CFAP61: variants seen among roughly 807,000 people sequenced by gnomAD.
CFAP61 encodes cilia- and flagella-associated protein 61.
Under a neutral mutation model 135.6 loss-of-function variants are expected in CFAP61, and 107 were observed. The observed-to-expected ratio is 0.79, with a 90% CI of 0.67 to 0.93. The LOEUF (loss-of-function observed/expected upper bound fraction) is 0.93. Among genes scored for constraint, CFAP61 ranks in the 40% least tolerant of loss-of-function variants. The pLI, the probability that CFAP61 is intolerant of heterozygous loss-of-function variation, is 0.00. For synonymous variants in CFAP61, 575 were observed against 578.5 expected, an observed-to-expected ratio of 0.99 and a Z score of 0.09; for missense variants, 1,507 against 1,556.2, an observed-to-expected ratio of 0.97 and a Z score of 0.53.
At chr20:20,106,428 C>A (rs1276771842) in intron 8 of CFAP61, among the ~76,000 whole-genome samples, 2 of 152,184 alleles carry the variant, frequency 1.3e-5, no homozygotes, top group East Asian at 3.9e-4. Flanking sequence ...TTGCAGACAG[C>A]AACATGACTG....
At chr20:20,267,321 A>G (rs1006162243) in intron 21 of CFAP61, among the ~76,000 whole-genome samples, 4 of 152,218 alleles carry the variant, frequency 2.6e-5, no homozygotes, top group South Asian at 2.1e-4. Flanking sequence ...GCAGGGACAG[A>G]CACTGGCGGG....
chr20:20,275,283 T>C lies in CFAP61; in HGVS notation c.2504-1883T>C, dbSNP rs534449983. On this transcript the variant is annotated intron_variant, in intron 21 of 26. Transcript: ENST00000245957. ...GTGTGTAGACCACCCACAACGTGCT[T>C]CTTGTTTGACATTGAGTTTTGACGT... 8.5e-5 allele frequency among the ~76,000 whole-genome samples: 13 copies of C among 152,292 alleles called. No individual in the cohort carries two copies. In the South Asian group the frequency reaches 2.7e-3, roughly 32 times the overall value.
intron 10 of CFAP61, among the ~76,000 whole-genome samples, chr20:20,161,613 T>C (rs1403959312): frequency 2.0e-5 from 3 of 151,778 alleles, no homozygotes; most frequent in Admixed American, 1.3e-4. Context: ...GAAGGTGGGG[T>C]GAGGAATTGG....
At chr20:20,184,411 T>C (rs1168823498) in intron 13 of CFAP61, 2 of 152,132 alleles carry the variant, frequency 1.3e-5, no homozygotes, top group Admixed American at 6.6e-5. Flanking sequence ...TCAAATTTTA[T>C]TCTAGTGGGA....
At chr20:20,112,063 A>G (rs540668337) in intron 8 of CFAP61, among the ~76,000 whole-genome samples, 24 of 152,204 alleles carry the variant, frequency 1.6e-4, no homozygotes, top group Non-Finnish European at 3.1e-4. Context: ...TAGCTTCTAG[A>G]AAAACTTCAG....
chr20:20,227,101 G>A (rs1292758287), intron 17 of CFAP61, among the ~76,000 whole-genome samples: 2 of 151,936 alleles, frequency 1.3e-5, no homozygotes, highest in African/African-American at 4.9e-5. Context: ...ACCTTTAAAT[G>A]GCAAAGCGCA....
At chr20:20,070,794 A>C in intron 2 of CFAP61, 60 bp from the exon 3 acceptor site, 3 of 1,519,488 alleles carry the variant, frequency 2.0e-6, no homozygotes, top group Non-Finnish European at 2.7e-6. Flanking sequence ...AAAAAATGGC[A>C]TGTCCTCACC....
At chr20:20,122,611 A>G (rs2049743991) in intron 8 of CFAP61, among the ~76,000 whole-genome samples, 1 of 152,118 alleles carries the variant, frequency 6.6e-6, no homozygotes, top group Non-Finnish European at 1.5e-5. Context: ...ATTCCTCTTT[A>G]TGGCTGAGTA....
chr20:20,075,397 G>A (rs74336156), intron 5 of CFAP61, 92 bp from the exon 6 acceptor site: 1 of 1,268,990 alleles, frequency 7.9e-7, no homozygotes, highest in Non-Finnish European at 1.1e-6. Flanking sequence ...GAACAATTAA[G>A]CACAATTTAG....
intron 22 of CFAP61, among the ~76,000 whole-genome samples, chr20:20,286,124 A>T (rs1249750227): frequency 6.6e-6 from 1 of 152,136 alleles, no homozygotes; most frequent in Non-Finnish European, 1.5e-5. Flanking sequence ...AAATACTAAT[A>T]AGAATCCTCT....
At chr20:20,062,266 AC>A (rs1347094047) in intron 2 of CFAP61, among the ~76,000 whole-genome samples, 7 of 152,146 alleles carry the variant, frequency 4.6e-5, no homozygotes, top group Admixed American at 2.0e-4. Context: ...CCCAACAGAT[AC>A]CCCTACTGTA....
chr20:20,132,204 T>C (rs2050585639), intron 8 of CFAP61, among the ~76,000 whole-genome samples: 1 of 152,144 alleles, frequency 6.6e-6, no homozygotes, highest in African/African-American at 2.4e-5. Context: ...TTATTTCACA[T>C]AACATAGTGT....
intron 1 of CFAP61, among the ~76,000 whole-genome samples, chr20:20,054,023 T>G (rs950028241): frequency 2.4e-5 from 3 of 122,466 alleles, no homozygotes; most frequent in Non-Finnish European, 5.2e-5. Context: ...GTTTTTTTTT[T>G]TTTTTTTTTT....
intron 8 of CFAP61, among the ~76,000 whole-genome samples, chr20:20,109,983 T>G (rs112450273): frequency 0.024 from 3,692 of 151,980 alleles, 147 homozygotes; most frequent in African/African-American, 0.085. Context: ...CTCGGCTCAC[T>G]GCAACCTCCG....
rs1444145170 is a variant in CFAP61 at position 20,075,214 on chromosome 20, C to T, written c.397C>T (p.Leu133=). 1 of 1,614,108 alleles carries T rather than the reference C, an allele frequency of 6.2e-7. No homozygotes were observed. Among genetic ancestry groups the T allele is most frequent in the Non-Finnish European group, 8.5e-7 (1 of 1,179,990 alleles). The change falls in exon 5 of 27, where the codon CTG becomes TTG. Residue 133 remains leucine (L), a synonymous_variant. Coordinates refer to ENST00000245957, the MANE Select transcript of CFAP61 (RefSeq NM_015585.4). ...AACCGTGTATAAGGCAGTGCCAGAGCTGCACTTCATATTTCTCATCGTGCC... is the reference window on the plus strand; with the variant it reads ...AACCGTGTATAAGGCAGTGCCAGAGTTGCACTTCATATTTCTCATCGTGCC... The part of the protein sequence containing the change: ...LRTVYKAVPE[L]HFIFLIVPSY...
intron 8 of CFAP61, among the ~76,000 whole-genome samples, chr20:20,142,472 C>A (rs975949595): frequency 1.2e-4 from 18 of 152,164 alleles, no homozygotes; most frequent in Non-Finnish European, 2.6e-4. Context: ...GCTGATAACC[C>A]ATTGTTTGTA....
chr20:20,126,478 T>G (rs2050073231), intron 8 of CFAP61, among the ~76,000 whole-genome samples: 1 of 151,890 alleles, frequency 6.6e-6, no homozygotes, highest in Admixed American at 6.5e-5. Context: ...ATCTGATGCT[T>G]AGTTTCTCTG....
intron 7 of CFAP61, among the ~76,000 whole-genome samples, chr20:20,092,685 T>A (rs201433228): frequency 1.6e-4 from 25 of 151,750 alleles, no homozygotes; most frequent in Admixed American, 3.9e-4. Context: ...TAGACACTTT[T>A]AAAAAAAATG....
intron 2 of CFAP61, among the ~76,000 whole-genome samples, chr20:20,062,775 T>C (rs1005186933): frequency 1.3e-5 from 2 of 152,224 alleles, no homozygotes; most frequent in African/African-American, 2.4e-5. Flanking sequence ...TTTAAAAAAT[T>C]AGTTTCTTCC....
Sources: allele counts gnomAD v4.1 joint callset (sites outside exome capture counted in the v4.1 genomes callset), GRCh38; gene constraint gnomAD v4.1.1; transcripts MANE v1.5; gene names NCBI Gene and HGNC (gene_info 2026-07-23, HGNC 2026-07-21).